Variants in SLC25A31 observed in about 807,000 individuals in gnomAD.
SLC25A31 encodes solute carrier family 25 member 31.
A neutral mutation model predicts 36.2 loss-of-function variants in SLC25A31; 40 were observed. The ratio of observed to expected loss-of-function variants is 1.10; its 90% CI spans 0.86 to 1.44. The LOEUF is 1.44. SLC25A31 is among the 40% of genes most tolerant of loss of function. SLC25A31 has a pLI of 0.00. For synonymous variants in SLC25A31, 143 were observed against 149.7 expected, an observed-to-expected ratio of 0.96 and a Z score of 0.32; for missense variants, 350 against 397.1, an observed-to-expected ratio of 0.88 and a Z score of 1.01.
At chr4:127,768,730 T>G in intron 4 of SLC25A31, 22 bp from the exon 5 acceptor site, 3 of 1,565,740 alleles carry the variant, frequency 1.9e-6, no homozygotes, top group Non-Finnish European at 2.6e-6. Context: ...GGATAGTTAC[T>G]TGGCACATTT....
chr4:127,767,299 G>T, intron 4 of SLC25A31, 79 bp downstream of exon 4: 1 of 1,168,712 alleles, frequency 8.6e-7, no homozygotes, highest in Non-Finnish European at 1.1e-6. Context: ...CAGCAGATAT[G>T]TTACTTTTAA....
chr4:127,749,870 T>G (rs2148757948), intron 2 of SLC25A31, among the ~76,000 whole-genome samples: 1 of 152,174 alleles, frequency 6.6e-6, no homozygotes, highest in East Asian at 1.9e-4. Flanking sequence ...ACCCCATGTC[T>G]AAAAATAAAT....
At chr4:127,760,855 T>G (rs986718286) in intron 2 of SLC25A31, among the ~76,000 whole-genome samples, 6 of 152,126 alleles carry the variant, frequency 3.9e-5, no homozygotes, top group Middle Eastern at 3.4e-3. Context: ...CTGGCTAACA[T>G]GGTGAAACCC....
Position 127,768,709 on chromosome 4 carries a change from T to C in SLC25A31, c.634-43T>C, listed in dbSNP as rs570712655. 8 of 1,513,116 alleles carry C rather than the reference T, an allele frequency of 5.3e-6. 1 individual carries two copies. In the South Asian group the frequency reaches 1.1e-4, roughly 20 times the overall value. 93.7% of individuals were successfully genotyped at this position (1,513,116 alleles called of 1,614,324 possible). On this transcript the variant is annotated intron_variant, in intron 4 of 5. Transcript: ENST00000281154. Reference sequence around the variant, plus strand: ...CCTTTAACTTAAGAATTTAAGATATTTTAGAAATTTGGATAGTTACTTGGC... The same window carrying C: ...CCTTTAACTTAAGAATTTAAGATATCTTAGAAATTTGGATAGTTACTTGGC...
At chr4:127,748,352 C>T (rs1452137828) in intron 2 of SLC25A31, among the ~76,000 whole-genome samples, 1 of 152,098 alleles carries the variant, frequency 6.6e-6, no homozygotes, top group Non-Finnish European at 1.5e-5. Flanking sequence ...TGTACGTGAC[C>T]CCAGAGACAA....
At chr4:127,737,377 G>A (rs1253860368) in intron 1 of SLC25A31, among the ~76,000 whole-genome samples, 2 of 151,928 alleles carry the variant, frequency 1.3e-5, no homozygotes, top group East Asian at 1.9e-4. Context: ...GGTTTTATTC[G>A]TGCAAATACA....
At chr4:127,733,321 G>T (rs1731564891) in intron 1 of SLC25A31, among the ~76,000 whole-genome samples, 2 of 152,116 alleles carry the variant, frequency 1.3e-5, no homozygotes, top group Admixed American at 6.5e-5. Context: ...AATTTTTTCA[G>T]ATTTTAGAAT....
chr4:127,752,900 CAG>C (rs1414055231), intron 2 of SLC25A31, among the ~76,000 whole-genome samples: 3 of 152,100 alleles, frequency 2.0e-5, no homozygotes, highest in Non-Finnish European at 4.4e-5. Flanking sequence ...ATAGATCTAA[CAG>C]ATATATTTAG....
intron 1 of SLC25A31, among the ~76,000 whole-genome samples, chr4:127,735,545 A>G (rs1439987631): frequency 6.6e-6 from 1 of 152,132 alleles, no homozygotes; most frequent in Non-Finnish European, 1.5e-5. Flanking sequence ...TGTAAGCTCC[A>G]TAAGATCAGG....
At chr4:127,741,281 G>A (rs1731727652) in intron 1 of SLC25A31, among the ~76,000 whole-genome samples, 1 of 152,182 alleles carries the variant, frequency 6.6e-6, no homozygotes, top group South Asian at 2.1e-4. Context: ...GTGCAAGAGT[G>A]GATCCCTTTG....
chr4:127,766,324 C>T (rs1478916754), intron 3 of SLC25A31, among the ~76,000 whole-genome samples: 3 of 151,672 alleles, frequency 2.0e-5, no homozygotes, highest in South Asian at 2.1e-4. Flanking sequence ...ACCACCACGA[C>T]GCCTGGCTAA....
chr4:127,773,417 C>A lies in SLC25A31; in HGVS notation c.791C>A (p.Thr264Asn), dbSNP rs763593670. ...SGEAKRQYKGTLDCFVKIYQH... is the reference protein window; with the variant it reads ...SGEAKRQYKGNLDCFVKIYQH... ...GAGGCTAAACGGCAATATAAAGGAA[C>A]CTTAGACTGCTTTGTGAAGATATAC... Residue 264 changes from threonine to asparagine, a missense_variant, in exon 6 of 6, where the codon ACC becomes AAC. Coordinates refer to ENST00000281154, the MANE Select transcript of SLC25A31 (RefSeq NM_031291.4). 33 of 1,613,560 alleles carry A rather than the reference C, an allele frequency of 2.0e-5. No individual in the cohort carries two copies. Among genetic ancestry groups the A allele is most frequent in the Non-Finnish European group, 2.6e-5 (31 of 1,179,902 alleles).
intron 2 of SLC25A31, among the ~76,000 whole-genome samples, chr4:127,745,624 T>A (rs1011602668): frequency 1.3e-5 from 2 of 152,198 alleles, no homozygotes; most frequent in Admixed American, 1.3e-4. Context: ...AATTTCCTTT[T>A]ATGCTCTGTA....
At chr4:127,765,705 A>G (rs985047645) in intron 3 of SLC25A31, among the ~76,000 whole-genome samples, 4 of 152,206 alleles carry the variant, frequency 2.6e-5, no homozygotes, top group African/African-American at 9.7e-5. Context: ...ACTAAAATAT[A>G]TTGTCACTTA....
chr4:127,758,883 A>G (rs1280995930), intron 2 of SLC25A31, among the ~76,000 whole-genome samples: 1 of 152,124 alleles, frequency 6.6e-6, no homozygotes, highest in Non-Finnish European at 1.5e-5. Context: ...GCCTTGTAGT[A>G]TAGTTTGAAG....
intron 1 of SLC25A31, among the ~76,000 whole-genome samples, chr4:127,732,231 G>A (rs1194463744): frequency 1.3e-5 from 2 of 152,138 alleles, no homozygotes; most frequent in African/African-American, 2.4e-5. Flanking sequence ...TCCTGTTCTA[G>A]GGCCAGATAC....
At chr4:127,743,545 G>GC (rs1193822141) in intron 1 of SLC25A31, among the ~76,000 whole-genome samples, 1 of 152,120 alleles carries the variant, frequency 6.6e-6, no homozygotes, top group Non-Finnish European at 1.5e-5. Flanking sequence ...TAAATCCTTT[G>GC]CCAGTGACTG....
chr4:127,774,061 G>C lies in SLC25A31; in HGVS notation c.*487G>C, dbSNP rs1291340740. 6.6e-6 allele frequency: 1 copy of C among 152,128 alleles called. No individual in the cohort carries two copies. The highest frequency in any genetic ancestry group is 1.5e-5 in the Non-Finnish European group (1 of 68,068). 9.4% of individuals were successfully genotyped at this position (152,128 alleles called of 1,614,324 possible). A position where few individuals can be genotyped will look rare whatever the true frequency, so the allele number is the denominator to read the frequency against. On this transcript the variant is annotated 3_prime_UTR_variant, in exon 6 of 6. Transcript: ENST00000281154. ...CTCTTCTAAGACAGTTGTTATTACT[G>C]TGTATAATATTTACAGTATCAGCCT... is the stretch of plus-strand genomic sequence containing the variant.
At chr4:127,749,482 A>G (rs370213445) in intron 2 of SLC25A31, among the ~76,000 whole-genome samples, 19 of 152,300 alleles carry the variant, frequency 1.2e-4, no homozygotes, top group African/African-American at 4.3e-4. Context: ...GTAGTGGCTC[A>G]GGCCTGTAAT....
Sources: allele counts gnomAD v4.1 joint callset (sites outside exome capture counted in the v4.1 genomes callset), GRCh38; gene constraint gnomAD v4.1.1; transcripts MANE v1.5; gene names NCBI Gene and HGNC (gene_info 2026-07-23, HGNC 2026-07-21).